Variants in PTPRD observed in about 807,000 individuals in gnomAD.
PTPRD encodes the protein receptor-type tyrosine-protein phosphatase delta.
In PTPRD, 34 loss-of-function variants were observed where a neutral mutation model predicts 214.5. The observed-to-expected ratio is 0.16, with a 90% CI of 0.12 to 0.21. The LOEUF is 0.21. Among genes scored for constraint, PTPRD ranks in the 10% least tolerant of loss-of-function variants. The pLI is 1.00. For missense variants in PTPRD, 2,545 were observed against 2,398.7 expected (o/e 1.06, Z -1.27); for synonymous variants, 1,128 against 845.7 (o/e 1.33, Z -5.79).
chr9:9,582,928 A>G (rs1200430971), intron 7 of PTPRD, among the ~76,000 whole-genome samples: 3 of 152,098 alleles, frequency 2.0e-5, no homozygotes, highest in Non-Finnish European at 4.4e-5. Flanking sequence ...AACCTCCCAG[A>G]GCATTTGTTG....
chr9:9,336,427 C>T (rs1235851848), intron 9 of PTPRD, among the ~76,000 whole-genome samples: 1 of 152,134 alleles, frequency 6.6e-6, no homozygotes, highest in Non-Finnish European at 1.5e-5. Flanking sequence ...TATGGCCTGA[C>T]GTCGCACAGT....
chr9:8,684,275 C>G (rs947824226), intron 12 of PTPRD, among the ~76,000 whole-genome samples: 2 of 152,104 alleles, frequency 1.3e-5, no homozygotes, highest in East Asian at 3.8e-4. Context: ...GTATTATGTC[C>G]CAAGAACTAT....
At chr9:9,732,584 G>C (rs938761357) in intron 7 of PTPRD, among the ~76,000 whole-genome samples, 1 of 152,086 alleles carries the variant, frequency 6.6e-6, no homozygotes, top group Admixed American at 6.6e-5. Context: ...GACAGCTTTA[G>C]GATGGAAAAA....
chr9:8,602,838 T>C (rs2094950106), intron 14 of PTPRD, among the ~76,000 whole-genome samples: 1 of 152,236 alleles, frequency 6.6e-6, no homozygotes, highest in Non-Finnish European at 1.5e-5. Context: ...TCTATATCTG[T>C]ATCCTAGCTT....
intron 6 of PTPRD, among the ~76,000 whole-genome samples, chr9:9,764,804 AGTCAC>A (rs1416823455): frequency 6.6e-6 from 1 of 152,124 alleles, no homozygotes; most frequent in Non-Finnish European, 1.5e-5. Flanking sequence ...CCAATTTCAA[AGTCAC>A]GATCCCCCCA....
chr9:10,044,551 T>A (rs1296982707), intron 3 of PTPRD, among the ~76,000 whole-genome samples: 1 of 151,810 alleles, frequency 6.6e-6, no homozygotes, highest in East Asian at 1.9e-4. Context: ...GATTTGAGAA[T>A]TATCAAATAA....
intron 12 of PTPRD, among the ~76,000 whole-genome samples, chr9:8,663,640 T>A (rs552770129): frequency 6.6e-6 from 1 of 151,972 alleles, no homozygotes; most frequent in Non-Finnish European, 1.5e-5. Flanking sequence ...TACAGGCACC[T>A]ACCACCACAC....
intron 2 of PTPRD, among the ~76,000 whole-genome samples, chr9:10,596,861 T>A (rs1332993158): frequency 6.6e-6 from 1 of 151,590 alleles, no homozygotes; most frequent in Non-Finnish European, 1.5e-5. Context: ...TGCATGAACA[T>A]GAAAAACGTG....
chr9:10,478,116 G>A (rs2099074963), intron 2 of PTPRD, among the ~76,000 whole-genome samples: 3 of 151,890 alleles, frequency 2.0e-5, no homozygotes, highest in East Asian at 2.0e-4. Context: ...TGCACGTTTA[G>A]CACATGTATC....
intron 2 of PTPRD, among the ~76,000 whole-genome samples, chr9:10,537,483 G>A (rs1194961504): frequency 6.6e-6 from 1 of 152,050 alleles, no homozygotes; most frequent in Non-Finnish European, 1.5e-5. Flanking sequence ...TAAAAATTGG[G>A]CATTAACATA....
At chr9:9,576,615 C>A (rs2088914189) in intron 7 of PTPRD, among the ~76,000 whole-genome samples, 2 of 152,040 alleles carry the variant, frequency 1.3e-5, no homozygotes, top group Admixed American at 6.6e-5. Flanking sequence ...AGAGGTGCAG[C>A]AAATTAAATT....
At chr9:8,874,927 G>A (rs945911781) in intron 11 of PTPRD, among the ~76,000 whole-genome samples, 1 of 152,108 alleles carries the variant, frequency 6.6e-6, no homozygotes, top group Non-Finnish European at 1.5e-5. Flanking sequence ...GAAAAATGAA[G>A]AACATTTTTC....
chr9:8,436,806 G>T, intron 34 of PTPRD, 117 bp from the exon 35 acceptor site: 3 of 764,142 alleles, frequency 3.9e-6, no homozygotes, highest in Non-Finnish European at 6.4e-6. Flanking sequence ...GAGTAGTAAA[G>T]ATGTTTTAGG....
At chr9:8,970,744 T>C (rs2154331711) in intron 11 of PTPRD, among the ~76,000 whole-genome samples, 1 of 151,840 alleles carries the variant, frequency 6.6e-6, no homozygotes, top group South Asian at 2.1e-4. Context: ...ACAGAAAATC[T>C]AAGTTCAAGC....
intron 10 of PTPRD, among the ~76,000 whole-genome samples, chr9:9,081,032 G>A (rs1198508312): frequency 6.6e-6 from 1 of 151,604 alleles, no homozygotes; most frequent in Non-Finnish European, 1.5e-5. Context: ...CTTTTCTTCT[G>A]CTAGCTTTTG....
intron 7 of PTPRD, among the ~76,000 whole-genome samples, chr9:9,674,353 C>T (rs148219420): frequency 0.013 from 1,967 of 151,524 alleles, 23 homozygotes; most frequent in South Asian, 0.026. Context: ...AGGACTATTA[C>T]CTTCTCCGTG....
chr9:8,506,662 T>A (rs567658846), intron 22 of PTPRD, among the ~76,000 whole-genome samples: 1 of 150,382 alleles, frequency 6.6e-6, no homozygotes, highest in East Asian at 1.9e-4. Context: ...ACATGCATTA[T>A]TGATGGTGAA....
chr9:9,634,627 A>C (rs1383912582), intron 7 of PTPRD, among the ~76,000 whole-genome samples: 2 of 152,204 alleles, frequency 1.3e-5, no homozygotes, highest in East Asian at 3.8e-4. Flanking sequence ...ATATGAACAC[A>C]AAATAAAATA....
rs113635420 is a variant in PTPRD at position 10,496,137 on chromosome 9, C to A, written c.-600+116261G>T. On this transcript the variant is annotated intron_variant, in intron 2 of 45. Transcript: ENST00000381196. Reference sequence around the variant, plus strand: ...TAATATTTTAACATTAAAAAACAGCCTTTGTTTAATTATTAGTGATGGCTA... The same window carrying A: ...TAATATTTTAACATTAAAAAACAGCATTTGTTTAATTATTAGTGATGGCTA... 5.5e-3 allele frequency among the ~76,000 whole-genome samples: 841 copies of A among 151,642 alleles called. 5 individuals carry two copies. The highest frequency in any genetic ancestry group is 0.02 in the African/African-American group (811 of 41,432).
Sources: allele counts gnomAD v4.1 joint callset (sites outside exome capture counted in the v4.1 genomes callset), GRCh38; gene constraint gnomAD v4.1.1; transcripts MANE v1.5; gene names NCBI Gene and HGNC (gene_info 2026-07-23, HGNC 2026-07-21).